The following CCDC69 variants were observed in gnomAD, a reference collection of about 807,000 sequenced individuals.
CCDC69 encodes coiled-coil domain-containing protein 69.
In CCDC69, 38 loss-of-function variants were observed where a neutral mutation model predicts 40.3. The observed-to-expected ratio is 0.94, with a 90% CI of 0.73 to 1.24. The LOEUF (loss-of-function observed/expected upper bound fraction) is 1.24. Ranked by LOEUF, CCDC69 falls within the 50% of genes most tolerant of loss-of-function variation. The pLI is 0.00. For missense variants in CCDC69, 389 were observed against 357.9 expected, an observed-to-expected ratio of 1.09 and a Z score of -0.70; for synonymous variants, 141 against 138.9, an observed-to-expected ratio of 1.02 and a Z score of -0.11.
At chr5:151,221,814 C>T (rs1177862067) in intron 1 of CCDC69, among the ~76,000 whole-genome samples, 2 of 152,266 alleles carry the variant, frequency 1.3e-5, no homozygotes, top group African/African-American at 4.8e-5. Flanking sequence ...TCCATCCCAT[C>T]CCTGGAGTCC....
intron 2 of CCDC69, among the ~76,000 whole-genome samples, chr5:151,204,039 T>C (rs1042854667): frequency 1.3e-5 from 2 of 151,284 alleles, no homozygotes; most frequent in African/African-American, 4.9e-5. Flanking sequence ...AGGTAATTTT[T>C]CTTTTTCTGA....
At chr5:151,216,914 A>G (rs1283758800) in intron 1 of CCDC69, among the ~76,000 whole-genome samples, 2 of 152,130 alleles carry the variant, frequency 1.3e-5, no homozygotes, top group African/African-American at 4.8e-5. Context: ...AATGATGAAT[A>G]CCAGAGGTTG....
At chr5:151,220,279 A>G (rs183274611) in intron 1 of CCDC69, among the ~76,000 whole-genome samples, 1 of 152,300 alleles carries the variant, frequency 6.6e-6, no homozygotes, top group East Asian at 1.9e-4. Flanking sequence ...TGTCACATAC[A>G]GTCTTTCATC....
intron 1 of CCDC69, among the ~76,000 whole-genome samples, chr5:151,207,429 C>A (rs1471160773): frequency 2.6e-5 from 4 of 151,878 alleles, no homozygotes; most frequent in African/African-American, 9.7e-5. Flanking sequence ...GTAGCTGGGA[C>A]TACAGGCGCC....
intron 1 of CCDC69, among the ~76,000 whole-genome samples, chr5:151,214,147 T>C (rs763737254): frequency 1.3e-4 from 20 of 152,210 alleles, no homozygotes; most frequent in Admixed American, 5.2e-4. Context: ...CAGGGTCAGC[T>C]TTATCTGAGT....
intron 1 of CCDC69, among the ~76,000 whole-genome samples, chr5:151,215,889 A>G (rs1206933651): frequency 6.6e-6 from 1 of 152,344 alleles, no homozygotes; most frequent in African/African-American, 2.4e-5. Flanking sequence ...ACATAATACT[A>G]TGTCATTTCA....
chr5:151,201,304 A>G (rs1752773157), intron 3 of CCDC69, among the ~76,000 whole-genome samples: 1 of 152,226 alleles, frequency 6.6e-6, no homozygotes, highest in African/African-American at 2.4e-5. Context: ...TGGGCCCAGA[A>G]AGGCAATTAA....
intron 1 of CCDC69, among the ~76,000 whole-genome samples, chr5:151,219,516 A>G (rs1363776631): frequency 1.3e-5 from 2 of 152,206 alleles, no homozygotes; most frequent in Non-Finnish European, 2.9e-5. Context: ...GCCACAGGAC[A>G]TTAGGTAGCC....
At chr5:151,212,424 CT>C (rs1324879465) in intron 1 of CCDC69, among the ~76,000 whole-genome samples, 37 of 152,162 alleles carry the variant, frequency 2.4e-4, no homozygotes, top group African/African-American at 8.9e-4. Flanking sequence ...TAGATCCTTG[CT>C]GTCAAGCAGA....
In CCDC69 at chr5:151,223,958, G is replaced by T; in HGVS notation, c.13C>A (p.His5Asn). Residue 5 changes from histidine (H) to asparagine (N), a missense_variant, in exon 1 of 9, where the codon CAC becomes AAC. His to Asn is a moderately conservative substitution (Grantham distance 68). Coordinates refer to ENST00000355417, the MANE Select transcript of CCDC69 (RefSeq NM_015621.3). MGCRHSRLSSCKPPK... is the reference protein window; with the variant it reads MGCRNSRLSSCKPPK... Reference sequence around the variant, plus strand: ...GGTTTGCAGCTGCTCAGCCTGCTGTGTCTGCAGCCCATCCTCCTCCGGGGG... The same window carrying T: ...GGTTTGCAGCTGCTCAGCCTGCTGTTTCTGCAGCCCATCCTCCTCCGGGGG... 6.4e-7 allele frequency: 1 copy of T among 1,570,674 alleles called. No individual in the cohort carries two copies. The highest frequency in any genetic ancestry group is 8.6e-7 in the Non-Finnish European group (1 of 1,162,806).
At position 151,183,296 on chromosome 5, in the gene CCDC69, G is replaced by A. The variant is rs905808560; in HGVS notation, c.*141C>T. ...GTAACTCAAGGCCCCAGGGCTCACT[G>A]GGCACACACCCAGGATCTCCATCTC... On this transcript the variant is annotated 3_prime_UTR_variant, in exon 9 of 9. Transcript: ENST00000355417. The A allele has an allele frequency of 3.1e-6, 3 of 970,210 alleles. No individual in the cohort carries two copies. The highest frequency in any genetic ancestry group is 2.0e-5 in the Admixed American group (1 of 50,274). 60.1% of individuals were successfully genotyped at this position (970,210 alleles called of 1,614,324 possible). A position where few individuals can be genotyped will look rare whatever the true frequency, so the allele number is the denominator to read the frequency against.
chr5:151,214,618 G>A (rs1223653902), intron 1 of CCDC69, among the ~76,000 whole-genome samples: 1 of 152,138 alleles, frequency 6.6e-6, no homozygotes, highest in Admixed American at 6.5e-5. Flanking sequence ...ACTGGCTGGA[G>A]GACAGTCCAA....
chr5:151,189,453 A>G (rs899850676), intron 4 of CCDC69, among the ~76,000 whole-genome samples: 3 of 152,090 alleles, frequency 2.0e-5, no homozygotes. Context: ...ATAGAGGAGA[A>G]AAAAAGATTA....
At chr5:151,217,036 T>C (rs534478588) in intron 1 of CCDC69, among the ~76,000 whole-genome samples, 66 of 152,256 alleles carry the variant, frequency 4.3e-4, no homozygotes, top group African/African-American at 1.5e-3. Context: ...CCATGAACTG[T>C]ATACTTTAAA....
chr5:151,200,491 T>A (rs952118781), intron 3 of CCDC69, among the ~76,000 whole-genome samples: 5 of 152,180 alleles, frequency 3.3e-5, no homozygotes, highest in African/African-American at 9.7e-5. Context: ...CTGAACATAT[T>A]TCATATTTAT....
chr5:151,194,001 A>G (rs1382179305), intron 4 of CCDC69, among the ~76,000 whole-genome samples: 1 of 152,224 alleles, frequency 6.6e-6, no homozygotes, highest in Non-Finnish European at 1.5e-5. Flanking sequence ...TGTAAATTAA[A>G]CCTATGGTGA....
At chr5:151,214,906 C>T (rs939563841) in intron 1 of CCDC69, among the ~76,000 whole-genome samples, 4 of 152,210 alleles carry the variant, frequency 2.6e-5, no homozygotes, top group African/African-American at 9.7e-5. Context: ...CAGACGATGA[C>T]ACTGAGGCCT....
At chr5:151,217,375 T>C (rs72792130) in intron 1 of CCDC69, among the ~76,000 whole-genome samples, 23,160 of 152,082 alleles carry the variant, frequency 0.15, 1,967 homozygotes, top group East Asian at 0.34. Flanking sequence ...CACTGGGTTC[T>C]TGCTGTCATT....
intron 3 of CCDC69, 88 bp downstream of exon 3, chr5:151,201,494 A>T (rs1001067390): frequency 1.2e-5 from 10 of 819,406 alleles, no homozygotes; most frequent in Non-Finnish European, 2.0e-5. Context: ...TACAACAGCA[A>T]CAAAAACCTA....
Sources: gnomAD v4.1 joint callset for allele counts (sites outside exome capture counted in the v4.1 genomes callset) on GRCh38, gnomAD v4.1.1 for gene constraint, MANE v1.5 for transcripts, NCBI Gene and HGNC (gene_info 2026-07-23, HGNC 2026-07-21) for gene names.